ACER1: variants seen among roughly 807,000 people sequenced by gnomAD.
ACER1 encodes the protein alkaline ceramidase 1, also known as CTB-180A7.3.
In ACER1, 28 loss-of-function variants were observed where a neutral mutation model predicts 24.9. The ratio of observed to expected loss-of-function variants is 1.13; its 90% CI spans 0.83 to 1.54. ACER1 has a LOEUF of 1.54. Ranked by LOEUF, ACER1 falls within the 40% of genes most tolerant of loss-of-function variation. The pLI, the probability that ACER1 is intolerant of heterozygous loss-of-function variation, is 0.00. For missense variants in ACER1, 352 were observed against 349.3 expected (o/e 1.01, Z -0.06); for synonymous variants, 132 against 131.4 (o/e 1.00, Z -0.03).
chr19:6,306,883 C>A lies in ACER1; in HGVS notation c.627-1G>T, dbSNP rs1487810264. ...GAAGGTGATGCTGATGAGCACATGC[C>A]TGTGGAGTGCAGGGCGAAGGTGGCG... On this transcript the variant is annotated splice_acceptor_variant, in intron 5 of 5. Coordinates refer to ENST00000301452, the MANE Select transcript of ACER1 (RefSeq NM_133492.3). LOFTEE classifies it high-confidence loss of function. 1 of 1,610,974 alleles carries A rather than the reference C, an allele frequency of 6.2e-7. No homozygotes were observed. Among genetic ancestry groups the A allele is most frequent in the East Asian group, 2.2e-5 (1 of 44,820 alleles).
At chr19:6,335,068 A>G (rs1023323644), upstream of ACER1, among the ~76,000 whole-genome samples, 2 of 147,004 alleles carry the variant, frequency 1.4e-5, no homozygotes, top group African/African-American at 4.9e-5. Context: ...ATATAAAATT[A>G]TTATATTAAA....
At chr19:6,329,031 C>T (rs2091675129) in intron 1 of ACER1, among the ~76,000 whole-genome samples, 1 of 151,842 alleles carries the variant, frequency 6.6e-6, no homozygotes, top group Non-Finnish European at 1.5e-5. Flanking sequence ...TCTTGTGGTT[C>T]CAGCTACTTT....
At chr19:6,341,254 G>A in the ACER1 span, among the ~76,000 whole-genome samples, 4,025 of 148,648 alleles carry the variant, frequency 0.027, 189 homozygotes, top group African/African-American at 0.094. Context: ...AGGTTGCAGT[G>A]AGCCAAGATT....
chr19:6,340,188 C>A, the ACER1 span, among the ~76,000 whole-genome samples: 1 of 151,494 alleles, frequency 6.6e-6, no homozygotes, highest in East Asian at 2.0e-4. Flanking sequence ...GGCTGAGGTA[C>A]GAGAATCACT....
the ACER1 span, among the ~76,000 whole-genome samples, chr19:6,354,475 C>T: frequency 6.6e-6 from 1 of 152,134 alleles, no homozygotes; most frequent in African/African-American, 2.4e-5. Context: ...AAAAACCCTA[C>T]TTTAAGTGAA....
the ACER1 span, among the ~76,000 whole-genome samples, chr19:6,358,633 A>C: frequency 6.6e-6 from 1 of 150,648 alleles, no homozygotes; most frequent in Non-Finnish European, 1.5e-5. Context: ...TCTCAAAAAA[A>C]AAAAAAAAAG....
At chr19:6,333,733 C>T, upstream of ACER1, 1 of 550,292 alleles carries the variant, frequency 1.8e-6, no homozygotes, top group Non-Finnish European at 3.3e-6. Context: ...GCAGTGACAG[C>T]AGCCCTGAGC....
intron 4 of ACER1, among the ~76,000 whole-genome samples, chr19:6,307,952 CATG>C (rs2091560027): frequency 6.6e-6 from 1 of 150,784 alleles, no homozygotes; most frequent in Non-Finnish European, 1.5e-5. Context: ...ATTAGCCGGC[CATG>C]GTGGTGGCCG....
rs201165078 is a variant in ACER1, at chr19:6,318,162, C to CA, written c.94-5664dup. 1.3e-3 allele frequency among the ~76,000 whole-genome samples: 185 copies of CA among 147,992 alleles called. 4 individuals are homozygous for CA. In the East Asian group the frequency reaches 0.014, roughly 12 times the overall value. The stretch of plus-strand genomic sequence containing the variant: ...CGGTGAAACCCCGTCCTAAAAAAAA[C>CA]AAAAAAAAAGTACAAAAAATTAGCC... On this transcript the variant is annotated intron_variant, in intron 1 of 5. Transcript: ENST00000301452.
At chr19:6,314,651 C>T (rs772569948) in intron 1 of ACER1, among the ~76,000 whole-genome samples, 8 of 152,032 alleles carry the variant, frequency 5.3e-5, no homozygotes, top group Admixed American at 2.6e-4. Context: ...ATGGGTACAA[C>T]CTCTACGGAA....
chr19:6,334,024 C>T (rs2091702731), upstream of ACER1, among the ~76,000 whole-genome samples: 1 of 151,912 alleles, frequency 6.6e-6, no homozygotes. Flanking sequence ...GGACCACAGG[C>T]ACATGCTGCC....
the ACER1 span, among the ~76,000 whole-genome samples, chr19:6,342,818 C>G: frequency 6.6e-6 from 1 of 152,070 alleles, no homozygotes; most frequent in Admixed American, 6.6e-5. Flanking sequence ...GCTCTTGTTG[C>G]CCAGGCTGGA....
chr19:6,357,336 T>TCTGC, the ACER1 span, among the ~76,000 whole-genome samples: 1 of 151,766 alleles, frequency 6.6e-6, no homozygotes, highest in Non-Finnish European at 1.5e-5. Flanking sequence ...CGTGAGCCAC[T>TCTGC]CTGCCTGGCT....
upstream of ACER1, among the ~76,000 whole-genome samples, chr19:6,337,480 C>T (rs1235802574): frequency 2.8e-5 from 4 of 142,916 alleles, no homozygotes; most frequent in South Asian, 4.4e-4. Flanking sequence ...TTTGAGATGG[C>T]GTTTGCTCTG....
At chr19:6,359,924 TG>T in the ACER1 span, among the ~76,000 whole-genome samples, 1 of 152,164 alleles carries the variant, frequency 6.6e-6, no homozygotes, top group Non-Finnish European at 1.5e-5. Flanking sequence ...GAGCACCTAC[TG>T]TGTGTCAGGC....
At position 6,318,892 on chromosome 19, in the gene ACER1, G is replaced by A. The variant is rs369868824; in HGVS notation, c.94-6393C>T. 3.3e-5 allele frequency among the ~76,000 whole-genome samples: 5 copies of A among 151,080 alleles called. No individual in the cohort carries two copies. In the South Asian group the frequency reaches 6.3e-4, roughly 19 times the overall value. ...GAAAACAAAGATGGAAAGACTAGAC[G>A]GGTGGTGGTGATTAAGAGGGTGCTC... is the stretch of plus-strand genomic sequence containing the variant. On this transcript the variant is annotated intron_variant, in intron 1 of 5. Coordinates refer to ENST00000301452, the MANE Select transcript of ACER1 (RefSeq NM_133492.3).
chr19:6,354,182 AAAAAT>A, the ACER1 span, among the ~76,000 whole-genome samples: 9 of 151,854 alleles, frequency 5.9e-5, no homozygotes, highest in Admixed American at 1.3e-4. Context: ...AGACCATCTC[AAAAAT>A]AAAATAAAAT....
chr19:6,312,525 G>A lies in ACER1; in HGVS notation c.94-26C>T, dbSNP rs75860938. On this transcript the variant is annotated intron_variant, in intron 1 of 5. Coordinates refer to ENST00000301452, the MANE Select transcript of ACER1 (RefSeq NM_133492.3). ...CTGGAGCAGAGAGAGCCATAGGGAG[G>A]AGCTCGTCAGATAGGGGAGACGGAG... The A allele has an allele frequency of 5.6e-3, 8,959 of 1,586,412 alleles. 472 individuals are homozygous for A. In the African/African-American group the frequency reaches 0.11, roughly 19 times the overall value.
chr19:6,312,214 G>T lies in ACER1; in HGVS notation c.285C>A (p.Leu95=). Residue 95 remains leucine, a synonymous_variant, in exon 3 of 6, where the codon CTC becomes CTA. Coordinates refer to ENST00000301452, the MANE Select transcript of ACER1 (RefSeq NM_133492.3). Reference sequence around the variant, plus strand: ...TCCATATGCTATAGCCACTGCCCAGGAGCCACAGGATGGCGATCTCGTCCA... The same window carrying T: ...TCCATATGCTATAGCCACTGCCCAGTAGCCACAGGATGGCGATCTCGTCCA... ...QLLDEIAILW[L]LGSGYSIWMP... 1 of 1,614,034 alleles carries T rather than the reference G, an allele frequency of 6.2e-7. No homozygotes were observed. Among genetic ancestry groups the T allele is most frequent in the Middle Eastern group, 1.7e-4 (1 of 6,060 alleles).
Sources: allele counts gnomAD v4.1 joint callset (sites outside exome capture counted in the v4.1 genomes callset), GRCh38; gene constraint gnomAD v4.1.1; transcripts MANE v1.5; gene names NCBI Gene and HGNC (gene_info 2026-07-23, HGNC 2026-07-21).